SUGCT: variants seen among roughly 807,000 people sequenced by gnomAD.
SUGCT encodes the protein succinyl-CoA:glutarate-CoA transferase.
In SUGCT, 41 loss-of-function variants were observed where a neutral mutation model predicts 55.0. That is an observed-to-expected ratio of 0.74 (90% CI 0.58 to 0.97). The LOEUF (loss-of-function observed/expected upper bound fraction) is 0.97, where lower values mean the gene tolerates loss of function less well. Ranked by LOEUF, SUGCT falls within the 50% of genes least tolerant of loss-of-function variation. The pLI is 0.00. For missense variants in SUGCT, 568 were observed against 547.8 expected (o/e 1.04, Z -0.37); for synonymous variants, 187 against 200.4 (o/e 0.93, Z 0.56).
At chr7:40,767,767 T>G (rs556289398) in intron 13 of SUGCT, among the ~76,000 whole-genome samples, 2 of 152,234 alleles carry the variant, frequency 1.3e-5, no homozygotes, top group Admixed American at 1.3e-4. Context: ...TTCAGGTAAA[T>G]CCTTCTGGAT....
chr7:40,550,965 TTCTTC>T (rs1478336062), intron 12 of SUGCT, among the ~76,000 whole-genome samples: 4 of 152,168 alleles, frequency 2.6e-5, no homozygotes, highest in African/African-American at 7.2e-5. Context: ...TTTACCTGTT[TTCTTC>T]TCTTTTCTCT....
intron 13 of SUGCT, among the ~76,000 whole-genome samples, chr7:40,844,185 G>A (rs904287546): frequency 6.6e-6 from 1 of 152,156 alleles, no homozygotes; most frequent in Non-Finnish European, 1.5e-5. Flanking sequence ...CAGAAGGCAT[G>A]TGTTACAATC....
intron 13 of SUGCT, among the ~76,000 whole-genome samples, chr7:40,808,570 A>C (rs189884156): frequency 2.0e-5 from 3 of 152,334 alleles, no homozygotes; most frequent in African/African-American, 7.2e-5. Flanking sequence ...TCCATTGTCC[A>C]AACCTAATAA....
chr7:40,861,647 A>C (rs1365341953), downstream of SUGCT, among the ~76,000 whole-genome samples: 1 of 152,236 alleles, frequency 6.6e-6, no homozygotes, highest in African/African-American at 2.4e-5. Flanking sequence ...ATTCTTCTTT[A>C]TTAGAATGAT....
chr7:40,599,850 G>A (rs1198524730), intron 12 of SUGCT, among the ~76,000 whole-genome samples: 1 of 152,120 alleles, frequency 6.6e-6, no homozygotes, highest in East Asian at 1.9e-4. Context: ...GAGTGGGAGT[G>A]CTATATGGAT....
chr7:40,385,666 A>G (rs1485110659), intron 9 of SUGCT, among the ~76,000 whole-genome samples: 1 of 152,216 alleles, frequency 6.6e-6, no homozygotes, highest in African/African-American at 2.4e-5. Flanking sequence ...AAGATTAATT[A>G]CATCATACAA....
chr7:40,285,053 A>G (rs1419506319), intron 8 of SUGCT, among the ~76,000 whole-genome samples: 1 of 151,912 alleles, frequency 6.6e-6, no homozygotes, highest in African/African-American at 2.4e-5. Flanking sequence ...AACTTGTGAT[A>G]ATTGATAATT....
At chr7:40,783,099 C>T (rs541204593) in intron 13 of SUGCT, among the ~76,000 whole-genome samples, 4 of 152,072 alleles carry the variant, frequency 2.6e-5, no homozygotes, top group South Asian at 2.1e-4. Context: ...TTCTTCCTGG[C>T]GTCAGTCACT....
chr7:40,388,150 C>T (rs2151295574), intron 9 of SUGCT: 1 of 152,244 alleles, frequency 6.6e-6, no homozygotes, highest in African/African-American at 2.4e-5. Flanking sequence ...AATGTTAAGA[C>T]TGAAAAAATG....
At chr7:40,704,834 G>A (rs1785323574) in intron 12 of SUGCT, among the ~76,000 whole-genome samples, 1 of 152,102 alleles carries the variant, frequency 6.6e-6, no homozygotes, top group South Asian at 2.1e-4. Flanking sequence ...TGCTATCCTC[G>A]TTTCACAGAC....
At chr7:40,286,874 G>A (rs1020058219) in intron 8 of SUGCT, among the ~76,000 whole-genome samples, 1 of 152,120 alleles carries the variant, frequency 6.6e-6, no homozygotes, top group Non-Finnish European at 1.5e-5. Flanking sequence ...GCAGGACATT[G>A]GGCCAAGCCT....
chr7:40,932,631 A>G, the SUGCT span, among the ~76,000 whole-genome samples: 18 of 152,164 alleles, frequency 1.2e-4, no homozygotes, highest in African/African-American at 4.1e-4. Flanking sequence ...GTATATATTT[A>G]GGACAGTTAG....
At chr7:40,434,108 T>A (rs1788047740) in intron 9 of SUGCT, among the ~76,000 whole-genome samples, 1 of 152,214 alleles carries the variant, frequency 6.6e-6, no homozygotes, top group Admixed American at 6.5e-5. Context: ...TTTGGAGGAA[T>A]GTTCCCATTT....
chr7:40,606,745 C>G lies in SUGCT; in HGVS notation c.1089+110359C>G, dbSNP rs1017776636. On this transcript the variant is annotated intron_variant, in intron 12 of 13. Transcript: ENST00000335693. Reference sequence around the variant, plus strand: ...ACATCTAGGATTTAATGTCAACCAACGTAAGCTTTTAAAAAGCCATATTAA... The same window carrying G: ...ACATCTAGGATTTAATGTCAACCAAGGTAAGCTTTTAAAAAGCCATATTAA... Among the ~76,000 whole-genome samples, 4 of 152,022 alleles carry G rather than the reference C, an allele frequency of 2.6e-5. No individual in the cohort carries two copies. In the East Asian group the frequency reaches 5.8e-4, roughly 22 times the overall value.
intron 12 of SUGCT, among the ~76,000 whole-genome samples, chr7:40,616,114 T>G (rs1798990746): frequency 6.6e-6 from 1 of 152,232 alleles, no homozygotes; most frequent in Admixed American, 6.5e-5. Context: ...ATGACTATTA[T>G]GTGCCAGATA....
At chr7:40,670,019 C>A (rs1471419141) in intron 12 of SUGCT, among the ~76,000 whole-genome samples, 1 of 150,854 alleles carries the variant, frequency 6.6e-6, no homozygotes, top group Non-Finnish European at 1.5e-5. Context: ...AAACTAAAGA[C>A]ACAGAAAAAA....
At chr7:40,180,740 C>T (rs550963792) in intron 1 of SUGCT, among the ~76,000 whole-genome samples, 122 of 152,218 alleles carry the variant, frequency 8.0e-4, no homozygotes, top group African/African-American at 2.8e-3. Context: ...CCGCCTGCCT[C>T]GGCCTCCGAA....
At chr7:40,988,440 G>T in the SUGCT span, among the ~76,000 whole-genome samples, 2 of 151,138 alleles carry the variant, frequency 1.3e-5, no homozygotes, top group Non-Finnish European at 2.9e-5. Flanking sequence ...TTTAAGGTAG[G>T]TGTACTTCTC....
chr7:40,151,109 G>A (rs925778200), intron 1 of SUGCT, among the ~76,000 whole-genome samples: 2 of 152,042 alleles, frequency 1.3e-5, no homozygotes, highest in Admixed American at 1.3e-4. Flanking sequence ...GCGTGGTGGC[G>A]TGCACCTGTA....
Sources: gnomAD v4.1 joint callset for allele counts (sites outside exome capture counted in the v4.1 genomes callset) on GRCh38, gnomAD v4.1.1 for gene constraint, MANE v1.5 for transcripts, NCBI Gene and HGNC (gene_info 2026-07-23, HGNC 2026-07-21) for gene names.